Variants in ARHGAP21 observed in about 807,000 individuals in gnomAD.
The protein encoded by ARHGAP21 is Rho GTPase activating protein 21.
Under a neutral mutation model 164.6 loss-of-function variants are expected in ARHGAP21, and 38 were observed. The observed-to-expected ratio is 0.23, with a 90% CI of 0.18 to 0.30. The LOEUF is 0.30. Ranked by LOEUF, ARHGAP21 falls within the 10% of genes least tolerant of loss-of-function variation. ARHGAP21 has a pLI of 1.00. For missense variants in ARHGAP21, 1,822 were observed against 2,370.7 expected, an observed-to-expected ratio of 0.77 and a Z score of 4.81; for synonymous variants, 766 against 857.9, an observed-to-expected ratio of 0.89 and a Z score of 1.87.
chr10:24,633,132 G>A (rs1593105032), intron 6 of ARHGAP21, among the ~76,000 whole-genome samples: 1 of 152,102 alleles, frequency 6.6e-6, no homozygotes, highest in East Asian at 1.9e-4. Flanking sequence ...TCAAATAAAA[G>A]GGGTAAACAC....
intron 24 of ARHGAP21, 170 bp downstream of exon 24, chr10:24,591,055 G>T (rs2076307549): frequency 1.8e-6 from 1 of 562,740 alleles, no homozygotes; most frequent in Non-Finnish European, 2.3e-6. Context: ...AGAGTCACTG[G>T]AAGATAATTC....
Position 24,705,701 on chromosome 10 carries a change from A to C in ARHGAP21, c.63+16136T>G, listed in dbSNP as rs191705819. Among the ~76,000 whole-genome samples, 669 of 152,354 alleles carry C rather than the reference A, an allele frequency of 4.4e-3. 7 individuals are homozygous for C. The highest frequency in any genetic ancestry group is 6.1e-3 in the Non-Finnish European group (416 of 68,034). On this transcript the variant is annotated intron_variant, in intron 2 of 25. Transcript: ENST00000396432. Reference sequence around the variant, plus strand: ...TCCTTTTAAATTTCAAACAATATTAAATAACTTGTTTTTAGTAAGGAAGAC... The same window carrying C: ...TCCTTTTAAATTTCAAACAATATTACATAACTTGTTTTTAGTAAGGAAGAC...
chr10:24,656,319 C>T (rs1838909320), intron 4 of ARHGAP21, among the ~76,000 whole-genome samples: 1 of 105,748 alleles, frequency 9.5e-6, no homozygotes, highest in Non-Finnish European at 2.0e-5. Context: ...CCTGGCCAGC[C>T]ACCCCGTCCG....
intron 2 of ARHGAP21, among the ~76,000 whole-genome samples, chr10:24,674,956 G>A (rs990208843): frequency 2.0e-5 from 3 of 152,172 alleles, no homozygotes; most frequent in Admixed American, 2.0e-4. Flanking sequence ...TGGTCAGGAC[G>A]TGAAGCAACT....
intron 21 of ARHGAP21, among the ~76,000 whole-genome samples, chr10:24,593,175 C>T (rs1430437930): frequency 6.6e-6 from 1 of 152,134 alleles, no homozygotes; most frequent in Non-Finnish European, 1.5e-5. Flanking sequence ...AGTAGTGTAG[C>T]ACACATACAA....
chr10:24,604,467 C>A, intron 11 of ARHGAP21, 119 bp from the exon 12 acceptor site: 1 of 607,694 alleles, frequency 1.6e-6, no homozygotes, highest in East Asian at 3.2e-5. Context: ...TCATCATTAT[C>A]ATGTTAAATG....
chr10:24,661,046 T>C lies in ARHGAP21; in HGVS notation c.268+5939A>G, dbSNP rs143298506. Among the ~76,000 whole-genome samples, 229 of 152,102 alleles carry C rather than the reference T, an allele frequency of 1.5e-3. 5 individuals carry two copies. The East Asian group carries it at 0.038, about 25-fold the overall frequency. Reference sequence around the variant, plus strand: ...CGAAAGACTCACTGAAGCTGGCTGCTACCATCCCACTATTCTTATTTTGAT... The same window carrying C: ...CGAAAGACTCACTGAAGCTGGCTGCCACCATCCCACTATTCTTATTTTGAT... On this transcript the variant is annotated intron_variant, in intron 4 of 25. Transcript: ENST00000396432.
At chr10:24,693,714 T>C (rs1200322579) in intron 2 of ARHGAP21, among the ~76,000 whole-genome samples, 2 of 152,036 alleles carry the variant, frequency 1.3e-5, no homozygotes, top group East Asian at 1.9e-4. Flanking sequence ...CTCTCCCCCA[T>C]TCACTGGCTC....
At chr10:24,619,393 T>A in intron 9 of ARHGAP21, 80 bp downstream of exon 9, 1 of 1,363,904 alleles carries the variant, frequency 7.3e-7, no homozygotes, top group Non-Finnish European at 1.0e-6. Context: ...CTTCTATGCC[T>A]ATTGAACTAG....
chr10:24,619,869 G>T lies in ARHGAP21; in HGVS notation c.2026C>A (p.Gln676Lys), dbSNP rs760966656. The T allele has an allele frequency of 6.2e-7, 1 of 1,614,188 alleles. No homozygotes were observed. Among genetic ancestry groups the T allele is most frequent in the Admixed American group, 1.7e-5 (1 of 60,022 alleles). ...WVRTDSAPDQ[Q>K]VETGKSPSLS... Reference sequence around the variant, plus strand: ...GAGGGGGATTTCCCAGTCTCCACTTGCTGATCGGGGGCACTGTCAGTCCTT... The same window carrying T: ...GAGGGGGATTTCCCAGTCTCCACTTTCTGATCGGGGGCACTGTCAGTCCTT... The change falls in exon 9 of 26, where the codon CAA (glutamine) becomes AAA (lysine). Residue 676 changes from glutamine to lysine, a missense_variant. Gln to Lys is a moderately conservative substitution (Grantham distance 53). This residue lies in a region of ARHGAP21 where 1,090 missense variants were observed against 1,378.9 expected (regional missense o/e 0.79). Transcript: ENST00000396432.
chr10:24,721,436 C>G (rs1845922054), intron 2 of ARHGAP21, among the ~76,000 whole-genome samples: 1 of 152,212 alleles, frequency 6.6e-6, no homozygotes, highest in African/African-American at 2.4e-5. Flanking sequence ...CCTCTCTGCA[C>G]CTTGGAGCAG....
At chr10:24,689,932 A>AAG (rs1306633637) in intron 2 of ARHGAP21, among the ~76,000 whole-genome samples, 8 of 137,520 alleles carry the variant, frequency 5.8e-5, no homozygotes, top group African/African-American at 2.2e-4. Context: ...ATGTATGTAT[A>AAG]TGTATATATG....
chr10:24,668,534 C>A (rs965010921), intron 3 of ARHGAP21, among the ~76,000 whole-genome samples: 1 of 152,192 alleles, frequency 6.6e-6, no homozygotes, highest in African/African-American at 2.4e-5. Flanking sequence ...GGATAGGCTC[C>A]AGCCACCCTC....
intron 2 of ARHGAP21, among the ~76,000 whole-genome samples, chr10:24,716,326 G>A (rs1387629555): frequency 6.6e-6 from 1 of 152,228 alleles, no homozygotes; most frequent in Non-Finnish European, 1.5e-5. Flanking sequence ...AGGGAGCAGG[G>A]GAGGGGCATT....
At chr10:24,618,548 C>T (rs1468897797) in intron 9 of ARHGAP21, among the ~76,000 whole-genome samples, 1 of 152,136 alleles carries the variant, frequency 6.6e-6, no homozygotes, top group Non-Finnish European at 1.5e-5. Context: ...ACCCAAATGT[C>T]ATGAGGAAGA....
chr10:24,596,126 T>C (rs1213548018), intron 17 of ARHGAP21, 83 bp from the exon 18 acceptor site: 2 of 1,206,248 alleles, frequency 1.7e-6, no homozygotes, highest in Non-Finnish European at 2.3e-6. Context: ...GCCCCTTTCA[T>C]CCAAAAGGAA....
At chr10:24,598,032 A>AAAATC in intron 14 of ARHGAP21, 23 bp from the exon 15 acceptor site, 2 of 1,580,230 alleles carry the variant, frequency 1.3e-6, no homozygotes, top group East Asian at 2.2e-5. Flanking sequence ...GTAAAATTAG[A>AAAATC]AAATCAATTC....
intron 3 of ARHGAP21, among the ~76,000 whole-genome samples, chr10:24,668,859 A>T (rs951276867): frequency 2.0e-5 from 3 of 152,082 alleles, no homozygotes; most frequent in Non-Finnish European, 2.9e-5. Flanking sequence ...ATTATCTTAT[A>T]AAAAAATTGT....
chr10:24,593,915 C>T (rs1040055168), intron 21 of ARHGAP21, among the ~76,000 whole-genome samples: 1 of 151,762 alleles, frequency 6.6e-6, no homozygotes, highest in Non-Finnish European at 1.5e-5. Flanking sequence ...CTATCAATCA[C>T]TATGGAGGAA....
Sources: gnomAD v4.1 joint callset for allele counts (sites outside exome capture counted in the v4.1 genomes callset) on GRCh38, gnomAD v4.1.1 for gene constraint, gnomAD v4.1.1 regional missense constraint, MANE v1.5 for transcripts, NCBI Gene and HGNC (gene_info 2026-07-23, HGNC 2026-07-21) for gene names.